STAU2: variants seen among roughly 807,000 people sequenced by gnomAD.
STAU2 encodes the protein staufen double-stranded RNA binding protein 2.
Under a neutral mutation model 65.9 loss-of-function variants are expected in STAU2, and 20 were observed. The observed-to-expected ratio is 0.30, with a 90% confidence interval of 0.21 to 0.44. STAU2 has a LOEUF of 0.44. STAU2 is among the 20% of genes least tolerant of loss of function. The pLI is 1.00. For synonymous variants in STAU2, 232 were observed against 233.9 expected (o/e 0.99, Z 0.07); for missense variants, 558 against 683.9 (o/e 0.82, Z 2.05).
chr8:73,551,867 C>T (rs1807355721), intron 13 of STAU2, 145 bp downstream of exon 13: 2 of 1,314,320 alleles, frequency 1.5e-6, no homozygotes, highest in Admixed American at 3.4e-5. Context: ...GCTTTTTTGT[C>T]TGTCCTTTGT....
chr8:73,569,709 G>A (rs1365919010), intron 12 of STAU2, among the ~76,000 whole-genome samples: 2 of 152,142 alleles, frequency 1.3e-5, no homozygotes, highest in African/African-American at 4.8e-5. Flanking sequence ...ATCTGGAGTG[G>A]ACCTCCAGCA....
In STAU2 at chr8:73,523,414, T is replaced by G. The variant is rs371045198; in HGVS notation, c.1530+28598A>C. 1.9e-4 allele frequency among the ~76,000 whole-genome samples: 29 copies of G among 152,074 alleles called. No homozygotes were observed. In the East Asian group the frequency reaches 2.5e-3, roughly 13 times the overall value. On this transcript the variant is annotated intron_variant, in intron 13 of 14. Coordinates refer to ENST00000524300, the MANE Select transcript of STAU2 (RefSeq NM_001164380.2). Reference sequence around the variant, plus strand: ...CGTGATAAAGCAATGAATCTGGCTGTTTTTTTAACATTAGGCTTAATCTAG... The same window carrying G: ...CGTGATAAAGCAATGAATCTGGCTGGTTTTTTAACATTAGGCTTAATCTAG...
chr8:73,461,156 C>G (rs1819330920), intron 13 of STAU2, among the ~76,000 whole-genome samples: 1 of 152,156 alleles, frequency 6.6e-6, no homozygotes, highest in Admixed American at 6.5e-5. Context: ...CCCTCTAAGT[C>G]TCAGTTTCTT....
At chr8:73,680,466 A>AAC (rs1213429144) in intron 5 of STAU2, among the ~76,000 whole-genome samples, 1 of 152,160 alleles carries the variant, frequency 6.6e-6, no homozygotes, top group Non-Finnish European at 1.5e-5. Context: ...AAAGAATCTG[A>AAC]ACAGCAGATT....
At chr8:73,541,320 A>G (rs946468033) in intron 13 of STAU2, among the ~76,000 whole-genome samples, 6 of 152,224 alleles carry the variant, frequency 3.9e-5, no homozygotes, top group Non-Finnish European at 7.3e-5. Context: ...TATATGATGC[A>G]GGCACAGAGG....
chr8:73,499,527 G>A (rs1397331450), intron 13 of STAU2, among the ~76,000 whole-genome samples: 2 of 151,876 alleles, frequency 1.3e-5, no homozygotes, highest in Non-Finnish European at 2.9e-5. Flanking sequence ...GTAGGAGGAA[G>A]TCTGAGCATA....
intron 11 of STAU2, among the ~76,000 whole-genome samples, chr8:73,592,536 A>C (rs746379348): frequency 6.6e-6 from 1 of 152,122 alleles, no homozygotes; most frequent in Non-Finnish European, 1.5e-5. Flanking sequence ...TAAGCCCAAA[A>C]GCCTTCACTG....
At chr8:73,647,486 C>T (rs1815480629) in intron 6 of STAU2, among the ~76,000 whole-genome samples, 1 of 151,866 alleles carries the variant, frequency 6.6e-6, no homozygotes, top group Non-Finnish European at 1.5e-5. Context: ...TCATGGTTGC[C>T]AAGGGCTAGA....
intron 13 of STAU2, among the ~76,000 whole-genome samples, chr8:73,426,275 T>C (rs1816819323): frequency 1.3e-5 from 2 of 152,128 alleles, no homozygotes; most frequent in Non-Finnish European, 2.9e-5. Flanking sequence ...AATTAGTACA[T>C]CAATCATCTC....
At chr8:73,452,447 G>A (rs1380717332) in intron 13 of STAU2, among the ~76,000 whole-genome samples, 3 of 152,234 alleles carry the variant, frequency 2.0e-5, no homozygotes, top group Non-Finnish European at 4.4e-5. Flanking sequence ...TGCATCCCAC[G>A]GAAGGCCTGA....
chr8:73,515,936 T>C (rs1359622931), intron 13 of STAU2, among the ~76,000 whole-genome samples: 1 of 148,530 alleles, frequency 6.7e-6, no homozygotes, highest in East Asian at 2.0e-4. Context: ...ACTGACTCTT[T>C]TTTTTTTTTT....
chr8:73,622,351 C>T (rs891504939), intron 6 of STAU2, among the ~76,000 whole-genome samples: 2 of 152,076 alleles, frequency 1.3e-5, no homozygotes, highest in African/African-American at 2.4e-5. Flanking sequence ...TCGTCTCAAT[C>T]TCCGACCTTG....
intron 9 of STAU2, among the ~76,000 whole-genome samples, chr8:73,604,876 T>C (rs1811897955): frequency 6.6e-6 from 1 of 152,130 alleles, no homozygotes; most frequent in African/African-American, 2.4e-5. Context: ...AAGCCTGAGA[T>C]GGTACATCCT....
chr8:73,449,939 G>A (rs1214345189), intron 13 of STAU2, among the ~76,000 whole-genome samples: 1 of 152,192 alleles, frequency 6.6e-6, no homozygotes. Flanking sequence ...GAAGGGAGCA[G>A]CACTTCCCCA....
chr8:73,679,398 T>C (rs1818235962), intron 5 of STAU2, among the ~76,000 whole-genome samples: 1 of 152,022 alleles, frequency 6.6e-6, no homozygotes, highest in African/African-American at 2.4e-5. Flanking sequence ...CACAGACCCT[T>C]TGAAAGAAGC....
At chr8:73,747,229 G>A, upstream of STAU2, 2 of 837,574 alleles carry the variant, frequency 2.4e-6, no homozygotes, top group South Asian at 1.8e-5. Context: ...CCGGTCCGCA[G>A]TCTCCTCGTC....
At chr8:73,605,868 CACACACACAT>C (rs1315369407) in intron 9 of STAU2, among the ~76,000 whole-genome samples, 70 of 59,338 alleles carry the variant, frequency 1.2e-3, no homozygotes, top group African/African-American at 2.2e-3. Flanking sequence ...CACACACACA[CACACACACAT>C]ACACACACAC....
rs1298549173 is a variant in STAU2, at chr8:73,651,402, C to T, written c.410+21705G>A. On this transcript the variant is annotated intron_variant, in intron 6 of 14. Coordinates refer to ENST00000524300, the MANE Select transcript of STAU2 (RefSeq NM_001164380.2). ...AGGCTGGCCAGGGAAATGCAGCTGT[C>T]GGAGGTCCAGATAAAAACCTGGTTT... 2.0e-5 allele frequency: 13 copies of T among 664,340 alleles called. No individual in the cohort carries two copies. The Admixed American group carries it at 2.0e-4, about 10-fold the overall frequency. 41.2% of individuals were successfully genotyped at this position (664,340 alleles called of 1,614,324 possible). A position where few individuals can be genotyped will look rare whatever the true frequency, so the allele number is the denominator to read the frequency against.
At chr8:73,738,480 T>A (rs775285968) in intron 2 of STAU2, 131 bp from the exon 3 acceptor site, 89 of 676,464 alleles carry the variant, frequency 1.3e-4, no homozygotes, top group Non-Finnish European at 1.9e-4. Context: ...GAACTTTCTA[T>A]GATGATAAAA....
Sources: allele counts gnomAD v4.1 joint callset (sites outside exome capture counted in the v4.1 genomes callset), GRCh38; gene constraint gnomAD v4.1.1; transcripts MANE v1.5; gene names NCBI Gene and HGNC (gene_info 2026-07-23, HGNC 2026-07-21).